EDC4: variants seen among roughly 807,000 people sequenced by gnomAD.
EDC4 encodes enhancer of mRNA-decapping protein 4.
Under a neutral mutation model 155.8 loss-of-function variants are expected in EDC4, and 64 were observed. The observed-to-expected ratio is 0.41, with a 90% confidence interval of 0.34 to 0.51. The LOEUF (loss-of-function observed/expected upper bound fraction) is 0.51, where lower values mean the gene tolerates loss of function less well. Ranked by LOEUF, EDC4 falls within the 20% of genes least tolerant of loss-of-function variation. EDC4 has a pLI of 0.19. For synonymous variants in EDC4, 684 were observed against 716.8 expected, an observed-to-expected ratio of 0.95 and a Z score of 0.73; for missense variants, 1,303 against 1,812.5, an observed-to-expected ratio of 0.72 and a Z score of 5.10.
rs549060475 is a variant in EDC4 at position 67,882,303 on chromosome 16, C to T, written c.3252C>T (p.Asn1084=). The T allele has an allele frequency of 9.9e-6, 16 of 1,613,198 alleles. No homozygotes were observed. In the East Asian group the frequency reaches 3.6e-4, roughly 36 times the overall value. ...LTAVEGSMKE[N]ISKLLKSKNL... is the part of the protein sequence containing the mutation. Reference sequence around the variant, plus strand: ...CTGTGGAGGGCAGCATGAAAGAGAACATCTCCAAGCTGCTCAAGTCCAAGG... The same window carrying T: ...CTGTGGAGGGCAGCATGAAAGAGAATATCTCCAAGCTGCTCAAGTCCAAGG... The change falls in exon 24 of 29, where the codon AAC becomes AAT. Residue 1084 remains asparagine (N), a synonymous_variant. Coordinates refer to ENST00000358933, the MANE Select transcript of EDC4 (RefSeq NM_014329.5). This position sits in a 1 kb window ranked among gnomAD's most constrained non-coding sequence, Gnocchi z 7.2.
At position 67,878,649 on chromosome 16, in the gene EDC4, G is replaced by A. The variant is rs1284327280; in HGVS notation, c.1184+18G>A. ...ACTATTCGGTAAGCAGTGGCTGGAA[G>A]GCTGGGGGACTGGGCAGGGGCGGCA... is the stretch of plus-strand genomic sequence containing the variant. On this transcript the variant is annotated intron_variant, in intron 10 of 28. Coordinates refer to ENST00000358933, the MANE Select transcript of EDC4 (RefSeq NM_014329.5). This position sits in a 1 kb window ranked among gnomAD's most constrained non-coding sequence, Gnocchi z 5.2. The A allele has an allele frequency of 1.9e-6, 3 of 1,614,234 alleles. No individual in the cohort carries two copies. The highest frequency in any genetic ancestry group is 1.6e-4 in the Middle Eastern group (1 of 6,062).
In EDC4 at chr16:67,881,425, G is replaced by C. The variant is rs749288412; in HGVS notation, c.2789+8G>C. The C allele has an allele frequency of 7.4e-6, 12 of 1,614,088 alleles. No individual in the cohort carries two copies. The highest frequency in any genetic ancestry group is 1.0e-5 in the Non-Finnish European group (12 of 1,179,974). On this transcript the variant is annotated splice_region_variant and intron_variant, in intron 20 of 28. Transcript: ENST00000358933. This position sits in a 1 kb window ranked among gnomAD's most constrained non-coding sequence, Gnocchi z 5.4. ...AAGCAAGAAGGATGATGGGTAGGGA[G>C]AAATCCTAGGGAGGGAGAGGGTGGT... is the stretch of plus-strand genomic sequence containing the variant.
chr16:67,878,929 C>T lies in EDC4; in HGVS notation c.1288-28C>T. The T allele has an allele frequency of 6.2e-7, 1 of 1,610,482 alleles. No homozygotes were observed. The highest frequency in any genetic ancestry group is 8.5e-7 in the Non-Finnish European group (1 of 1,179,034). On this transcript the variant is annotated intron_variant, in intron 11 of 28. Transcript: ENST00000358933. This position sits in a 1 kb window ranked among gnomAD's most constrained non-coding sequence, Gnocchi z 5.2. Reference sequence around the variant, plus strand: ...CGCATCACAGCCCTTAGCCTCTGAGCTCAGCTAGGAACGTTCTGCCTGTGC... The same window carrying T: ...CGCATCACAGCCCTTAGCCTCTGAGTTCAGCTAGGAACGTTCTGCCTGTGC...
At position 67,883,445 on chromosome 16, in the gene EDC4, G is replaced by C. The variant is rs948853887; in HGVS notation, c.3850-123G>C. On this transcript the variant is annotated intron_variant, in intron 27 of 28. Transcript: ENST00000358933. This position sits in a 1 kb window ranked among gnomAD's most constrained non-coding sequence, Gnocchi z 5.3. Reference sequence around the variant, plus strand: ...CTACACAGCCCTACAGGCTCTCTCTGAGTCCCTCTGGAGCTCTCACTAGCC... The same window carrying C: ...CTACACAGCCCTACAGGCTCTCTCTCAGTCCCTCTGGAGCTCTCACTAGCC... The C allele has an allele frequency of 2.1e-5, 30 of 1,453,044 alleles. 1 individual carries two copies. The highest frequency in any genetic ancestry group is 2.5e-5 in the Non-Finnish European group (27 of 1,067,442). 90.0% of individuals were successfully genotyped at this position (1,453,044 alleles called of 1,614,324 possible).
Position 67,882,145 on chromosome 16 carries a change from A to C in EDC4, c.3160+36A>C. ...CATGCAGACTCCCTTTGGGTGGTTCAGGTGGGAGTGGGGTACCTGTCAAGC... is the reference window on the plus strand; with the variant it reads ...CATGCAGACTCCCTTTGGGTGGTTCCGGTGGGAGTGGGGTACCTGTCAAGC... On this transcript the variant is annotated intron_variant, in intron 23 of 28. Transcript: ENST00000358933. This position sits in a 1 kb window ranked among gnomAD's most constrained non-coding sequence, Gnocchi z 7.2. 1 of 1,613,454 alleles carries C rather than the reference A, an allele frequency of 6.2e-7. No individual in the cohort carries two copies. The highest frequency in any genetic ancestry group is 2.2e-5 in the East Asian group (1 of 44,884).
In EDC4 at chr16:67,879,528, A is replaced by G. The variant is rs2058055691; in HGVS notation, c.1633+25A>G. On this transcript the variant is annotated intron_variant, in intron 14 of 28. Coordinates refer to ENST00000358933, the MANE Select transcript of EDC4 (RefSeq NM_014329.5). This position sits in a 1 kb window ranked among gnomAD's most constrained non-coding sequence, Gnocchi z 6.0. ...AGTGAGTAGGGCGTGAGAGGGAGGT[A>G]GGGTAAGTTGGACTGACCAGGGTCT... The G allele has an allele frequency of 6.2e-7, 1 of 1,613,938 alleles. No homozygotes were observed. Among genetic ancestry groups the G allele is most frequent in the South Asian group, 1.1e-5 (1 of 91,090 alleles).
Position 67,880,687 on chromosome 16 carries a change from A to G in EDC4, c.2228A>G (p.Asp743Gly), listed in dbSNP as rs2058063486. ...ISSASTALSQ[D>G]IPEIASEALS... ...TCAGCTTCCACTGCCCTGTCCCAGGACATCCCTGAGATTGCATCTGAGGCC... is the reference window on the plus strand; with the variant it reads ...TCAGCTTCCACTGCCCTGTCCCAGGGCATCCCTGAGATTGCATCTGAGGCC... Residue 743 changes from aspartate to glycine, a missense_variant, in exon 18 of 29, where the codon GAC becomes GGC. Around this residue, in one of 5 missense-constraint regions of EDC4, gnomAD observed 391 missense variants for 445.4 expected, o/e 0.88. Coordinates refer to ENST00000358933, the MANE Select transcript of EDC4 (RefSeq NM_014329.5). The surrounding 1 kb of genome is among the most constrained non-coding windows in gnomAD (Gnocchi z 5.2). 1.9e-6 allele frequency: 3 copies of G among 1,614,186 alleles called. No individual in the cohort carries two copies. In the East Asian group the frequency reaches 6.7e-5, roughly 36 times the overall value.
At chr16:67,875,685 C>A in intron 1 of EDC4, 1 of 1,270,498 alleles carries the variant, frequency 7.9e-7, no homozygotes, top group South Asian at 2.1e-5. Context: ...TGACCCAGAC[C>A]TGAGTATTCA....
Position 67,879,635 on chromosome 16 carries a change from C to T in EDC4, c.1682C>T (p.Ala561Val), listed in dbSNP as rs529273222. 3.7e-4 allele frequency: 594 copies of T among 1,614,148 alleles called. 7 individuals are homozygous for T. In the South Asian group the frequency reaches 5.8e-3, roughly 16 times the overall value. The change falls in exon 15 of 29, where the codon GCC becomes GTC. Residue 561 changes from alanine (A) to valine (V), a missense_variant. By Grantham distance (64) the Ala-to-Val change is moderately conservative. Around this residue, in one of 5 missense-constraint regions of EDC4, gnomAD observed 391 missense variants for 445.4 expected, o/e 0.88. Coordinates refer to ENST00000358933, the MANE Select transcript of EDC4 (RefSeq NM_014329.5). This position sits in a 1 kb window ranked among gnomAD's most constrained non-coding sequence, Gnocchi z 6.0. ...CTGGGCTCTGAGGGCCTGGGGTCAG[C>T]CGCTCACGGCTCCCAGCCTGACCTC... is the stretch of plus-strand genomic sequence containing the variant. ...PELGSEGLGS[A>V]AHGSQPDLRR...
At chr16:67,875,708 G>A (rs972322767) in intron 1 of EDC4, 1 of 1,322,750 alleles carries the variant, frequency 7.6e-7, no homozygotes, top group Non-Finnish European at 9.7e-7. Context: ...GCCCTCAAAG[G>A]GTCCTTGATG....
rs867732309 is a variant in EDC4 at position 67,873,110 on chromosome 16, G to A, written c.-152G>A. On this transcript the variant is annotated 5_prime_UTR_variant, in exon 1 of 29. Transcript: ENST00000358933. ...GTTGGTGGGGTTGGCGGGGCTCAGCGACGCTGCGCGGGTGGCGGTTTGCGA... is the reference window on the plus strand; with the variant it reads ...GTTGGTGGGGTTGGCGGGGCTCAGCAACGCTGCGCGGGTGGCGGTTTGCGA... 1.6e-4 allele frequency: 84 copies of A among 528,158 alleles called. No homozygotes were observed. Among genetic ancestry groups the A allele is most frequent in the African/African-American group, 1.5e-3 (75 of 50,186 alleles). 32.7% of individuals were successfully genotyped at this position (528,158 alleles called of 1,614,324 possible).
Position 67,879,524 on chromosome 16 carries a change from A to AG in EDC4, c.1633+23dup, listed in dbSNP as rs764881594. The AG allele has an allele frequency of 1.2e-6, 2 of 1,613,950 alleles. No homozygotes were observed. Among genetic ancestry groups the AG allele is most frequent in the Non-Finnish European group, 1.7e-6 (2 of 1,179,966 alleles). On this transcript the variant is annotated intron_variant, in intron 14 of 28. Transcript: ENST00000358933. The surrounding 1 kb of genome is among the most constrained non-coding windows in gnomAD (Gnocchi z 6.0). ...CTTCAGTGAGTAGGGCGTGAGAGGG[A>AG]GGTAGGGTAAGTTGGACTGACCAGG...
rs565389597 is a variant in EDC4 at position 67,883,314 on chromosome 16, C to T, written c.3849+137C>T. 2.1e-4 allele frequency: 298 copies of T among 1,390,800 alleles called. No individual in the cohort carries two copies. Among genetic ancestry groups the T allele is most frequent in the Non-Finnish European group, 2.6e-4 (270 of 1,046,578 alleles). 86.2% of individuals were successfully genotyped at this position (1,390,800 alleles called of 1,614,324 possible). A position where few individuals can be genotyped will look rare whatever the true frequency, so the allele number is the denominator to read the frequency against. ...TCTTGGTTCCCTTTGGCCTCCAGGC[C>T]ATTGTCCCTGCTGCTTCCTCTTCCT... On this transcript the variant is annotated intron_variant, in intron 27 of 28. Transcript: ENST00000358933. This position sits in a 1 kb window ranked among gnomAD's most constrained non-coding sequence, Gnocchi z 5.3.
chr16:67,884,003 C>T lies in EDC4; in HGVS notation c.4061C>T (p.Thr1354Ile). The T allele has an allele frequency of 3.1e-6, 5 of 1,613,908 alleles. No individual in the cohort carries two copies. The highest frequency in any genetic ancestry group is 4.2e-6 in the Non-Finnish European group (5 of 1,179,864). ...CACCTGGACCACAGTGACCCCATCACTCGGGACCACATGGGCTCCGTTATG... is the reference window on the plus strand; with the variant it reads ...CACCTGGACCACAGTGACCCCATCATTCGGGACCACATGGGCTCCGTTATG... ...VMHLDHSDPI[T>I]RDHMGSVMAQ... Residue 1354 changes from threonine (T) to isoleucine (I), a missense_variant, in exon 29 of 29, where the codon ACT becomes ATT. This residue lies in a region of EDC4 where 527 missense variants were observed against 757.0 expected (regional missense o/e 0.70). Coordinates refer to ENST00000358933, the MANE Select transcript of EDC4 (RefSeq NM_014329.5). This position sits in a 1 kb window ranked among gnomAD's most constrained non-coding sequence, Gnocchi z 4.1.
chr16:67,881,374 C>G lies in EDC4; in HGVS notation c.2746C>G (p.Arg916Gly). 1 of 1,614,136 alleles carries G rather than the reference C, an allele frequency of 6.2e-7. No homozygotes were observed. The highest frequency in any genetic ancestry group is 8.5e-7 in the Non-Finnish European group (1 of 1,180,016). ...GGACTGGAAGACCAAGGGATCCCCT[C>G]GAACCTCACCCAAGCTCAAGAGGAA... ...AKDWKTKGSP[R>G]TSPKLKRKSK... Residue 916 changes from arginine (R) to glycine (G), a missense_variant, in exon 20 of 29, where the codon CGA becomes GGA. Transcript: ENST00000358933. This position sits in a 1 kb window ranked among gnomAD's most constrained non-coding sequence, Gnocchi z 5.4.
chr16:67,881,394 G>A lies in EDC4; in HGVS notation c.2766G>A (p.Lys922=), dbSNP rs2058067451. ...CCCCTCGAACCTCACCCAAGCTCAA[G>A]AGGAAAAGCAAGAAGGATGATGGGT... ...KGSPRTSPKL[K]RKSKKDDGDA... The change falls in exon 20 of 29, where the codon AAG becomes AAA. Residue 922 remains lysine, a synonymous_variant. Transcript: ENST00000358933. This position sits in a 1 kb window ranked among gnomAD's most constrained non-coding sequence, Gnocchi z 5.4. 1.2e-6 allele frequency: 2 copies of A among 1,614,184 alleles called. No homozygotes were observed. The highest frequency in any genetic ancestry group is 1.7e-5 in the Admixed American group (1 of 60,032).
chr16:67,882,931 C>T lies in EDC4; in HGVS notation c.3630-27C>T. The T allele has an allele frequency of 6.2e-7, 1 of 1,613,838 alleles. No homozygotes were observed. The highest frequency in any genetic ancestry group is 8.5e-7 in the Non-Finnish European group (1 of 1,179,730). The stretch of plus-strand genomic sequence containing the variant: ...AAGGCCAGACTAGGCTCCCTGTCCA[C>T]TTCACCTCACTCACTTCCCTTTGCA... On this transcript the variant is annotated intron_variant, in intron 26 of 28. Transcript: ENST00000358933. This position sits in a 1 kb window ranked among gnomAD's most constrained non-coding sequence, Gnocchi z 7.2.
chr16:67,876,737 C>A lies in EDC4; in HGVS notation c.352-136C>A. On this transcript the variant is annotated intron_variant, in intron 3 of 28. Coordinates refer to ENST00000358933, the MANE Select transcript of EDC4 (RefSeq NM_014329.5). This position sits in a 1 kb window ranked among gnomAD's most constrained non-coding sequence, Gnocchi z 5.8. ...AGGAAGCCAGGGCTGGGTGCCAAGCCTCTGTGGGAGTCTGGCTCCAGGAGG... is the reference window on the plus strand; with the variant it reads ...AGGAAGCCAGGGCTGGGTGCCAAGCATCTGTGGGAGTCTGGCTCCAGGAGG... 1 of 1,557,306 alleles carries A rather than the reference C, an allele frequency of 6.4e-7. No homozygotes were observed. Among genetic ancestry groups the A allele is most frequent in the Non-Finnish European group, 8.7e-7 (1 of 1,149,354 alleles).
Position 67,881,779 on chromosome 16 carries a change from G to C in EDC4, c.2938G>C (p.Glu980Gln), listed in dbSNP as rs61745607. ...ELLQRLCTQL[E>Q]GLQSTVTGHV... ...GCTGCAGCGTCTGTGTACCCAACTC[G>C]AAGGCCTGCAGAGCACAGTCACAGG... The change falls in exon 22 of 29, where the codon GAA becomes CAA. Residue 980 changes from glutamate to glutamine, a missense_variant. Transcript: ENST00000358933. The surrounding 1 kb of genome is among the most constrained non-coding windows in gnomAD (Gnocchi z 5.4). 1.2e-6 allele frequency: 2 copies of C among 1,614,156 alleles called. No homozygotes were observed. Among genetic ancestry groups the C allele is most frequent in the Middle Eastern group, 3.3e-4 (2 of 6,062 alleles).
Sources: gnomAD v4.1 joint callset for allele counts on GRCh38, gnomAD v4.1.1 for gene constraint, gnomAD v4.1.1 regional missense constraint, Gnocchi (gnomAD v3.1) non-coding constraint, MANE v1.5 for transcripts, NCBI Gene and HGNC (gene_info 2026-07-23, HGNC 2026-07-21) for gene names.